Variants in SAMD12 observed in about 807,000 individuals in gnomAD.
SAMD12 encodes the protein sterile alpha motif domain-containing protein 12.
SAMD12 carries 9 observed loss-of-function variants against 15.0 expected under a neutral mutation model. The observed-to-expected ratio is 0.60, with a 90% confidence interval of 0.36 to 1.05. SAMD12 has a LOEUF of 1.05. Ranked by LOEUF, SAMD12 falls within the 50% of genes least tolerant of loss-of-function variation. The pLI is 0.01. For synonymous variants in SAMD12, 86 were observed against 90.1 expected (o/e 0.96, Z 0.25); for missense variants, 230 against 234.2 (o/e 0.98, Z 0.12).
intron 3 of SAMD12, among the ~76,000 whole-genome samples, chr8:118,425,192 C>A (rs1822191819): frequency 6.6e-6 from 1 of 152,116 alleles, no homozygotes; most frequent in African/African-American, 2.4e-5. Flanking sequence ...CCCGCCTTGG[C>A]CTCCCAAAGT....
intron 1 of SAMD12, among the ~76,000 whole-genome samples, chr8:118,588,334 A>G (rs1827502055): frequency 6.6e-6 from 1 of 152,216 alleles, no homozygotes; most frequent in Admixed American, 6.5e-5. Flanking sequence ...TGGGCAAAGG[A>G]AACTGCCCAG....
At chr8:118,448,848 C>A (rs561980307) in intron 2 of SAMD12, among the ~76,000 whole-genome samples, 1 of 152,172 alleles carries the variant, frequency 6.6e-6, no homozygotes, top group African/African-American at 2.4e-5. Flanking sequence ...CCTTTCTAAA[C>A]GTATTTCTAA....
intron 4 of SAMD12, among the ~76,000 whole-genome samples, chr8:118,347,213 GC>G (rs1455503858): frequency 6.6e-6 from 1 of 152,186 alleles, no homozygotes; most frequent in East Asian, 1.9e-4. Context: ...ACAGGCATGA[GC>G]CACTGGGCCC....
the SAMD12 span, among the ~76,000 whole-genome samples, chr8:118,184,351 C>G: frequency 1.3e-5 from 2 of 152,106 alleles, no homozygotes; most frequent in African/African-American, 4.8e-5. Flanking sequence ...TGAAACTCTC[C>G]CAGTCTCTTC....
At chr8:118,363,706 T>C (rs1251065761) in intron 4 of SAMD12, among the ~76,000 whole-genome samples, 1 of 152,210 alleles carries the variant, frequency 6.6e-6, no homozygotes, top group Non-Finnish European at 1.5e-5. Flanking sequence ...TTATAATAAA[T>C]TTCCTTCTCT....
At chr8:118,232,919 A>C (rs1047919325) in intron 4 of SAMD12, among the ~76,000 whole-genome samples, 1 of 152,138 alleles carries the variant, frequency 6.6e-6, no homozygotes, top group Non-Finnish European at 1.5e-5. Flanking sequence ...TTCCAGCTTA[A>C]ATAGACAATA....
Position 118,379,416 on chromosome 8 carries a change from C to G in SAMD12, c.*1G>C, listed in dbSNP as rs751986698. 1.9e-6 allele frequency: 3 copies of G among 1,612,522 alleles called. No individual in the cohort carries two copies. In the African/African-American group the frequency reaches 4.0e-5, roughly 22 times the overall value. On this transcript the variant is annotated 3_prime_UTR_variant, in exon 4 of 4. Coordinates refer to ENST00000314727, the MANE Select transcript of SAMD12 (RefSeq NM_207506.3). Reference sequence around the variant, plus strand: ...AAAAAAGTTTTCAAAGGGAAGTAATCTTAAATCTGTATACTATTTTCTATG... The same window carrying G: ...AAAAAAGTTTTCAAAGGGAAGTAATGTTAAATCTGTATACTATTTTCTATG...
At chr8:118,557,812 T>C (rs564178599) in intron 2 of SAMD12, among the ~76,000 whole-genome samples, 1 of 152,324 alleles carries the variant, frequency 6.6e-6, no homozygotes, top group Admixed American at 6.5e-5. Context: ...TGTTTATAAA[T>C]TTTAGCATGT....
intron 4 of SAMD12, among the ~76,000 whole-genome samples, chr8:118,323,052 C>A (rs375003520): frequency 1.1e-4 from 17 of 152,136 alleles, no homozygotes; most frequent in Admixed American, 6.5e-4. Context: ...GTTGAAGGCC[C>A]TTTAGTCAGG....
chr8:118,217,696 A>G (rs1037763611), intron 4 of SAMD12, among the ~76,000 whole-genome samples: 1 of 152,152 alleles, frequency 6.6e-6, no homozygotes, highest in Admixed American at 6.5e-5. Context: ...AAAGTTAGTG[A>G]TGCCCATCTG....
chr8:118,153,450 C>A, the SAMD12 span, among the ~76,000 whole-genome samples: 2 of 152,182 alleles, frequency 1.3e-5, no homozygotes, highest in African/African-American at 4.8e-5. Context: ...GCAAAATATA[C>A]TCAAAGCATG....
At chr8:118,304,545 G>A (rs180914975) in intron 4 of SAMD12, among the ~76,000 whole-genome samples, 3 of 152,078 alleles carry the variant, frequency 2.0e-5, no homozygotes, top group East Asian at 1.9e-4. Context: ...GGATCATGAG[G>A]TCAGGAGATC....
Position 118,551,729 on chromosome 8 carries a change from A to C in SAMD12, c.192+28986T>G, listed in dbSNP as rs1351102338. Among the ~76,000 whole-genome samples, 97 of 150,704 alleles carry C rather than the reference A, an allele frequency of 6.4e-4. 2 individuals carry two copies. Among genetic ancestry groups the C allele is most frequent in the African/African-American group, 2.2e-3 (91 of 41,174 alleles). On this transcript the variant is annotated intron_variant, in intron 2 of 3. Transcript: ENST00000314727. ...CAAAAAACCCTTCAAAAAATTAATGAATCCAGGAGCTGGTTTTTTGAAAGG... is the reference window on the plus strand; with the variant it reads ...CAAAAAACCCTTCAAAAAATTAATGCATCCAGGAGCTGGTTTTTTGAAAGG...
At chr8:118,424,384 T>C (rs988897840) in intron 3 of SAMD12, among the ~76,000 whole-genome samples, 2 of 152,130 alleles carry the variant, frequency 1.3e-5, no homozygotes, top group African/African-American at 2.4e-5. Flanking sequence ...ATTATCATAA[T>C]TTAATTTTAG....
chr8:118,238,779 C>A (rs1812493928), intron 4 of SAMD12, among the ~76,000 whole-genome samples: 1 of 152,028 alleles, frequency 6.6e-6, no homozygotes, highest in Non-Finnish European at 1.5e-5. Flanking sequence ...CCATGAAGAT[C>A]CAGACAGGTT....
rs1415191919 is a variant in SAMD12, at chr8:118,340,458, ATAT to A, written c.433+39099_433+39101del. On this transcript the variant is annotated intron_variant, in intron 4 of 4. Coordinates refer to the SAMD12 transcript ENST00000409003. ...TACTCATACATATATGTATATATGT[ATAT>A]TATTATTTTTAATATTTTAATTCCC... 2.6e-5 allele frequency among the ~76,000 whole-genome samples: 4 copies of A among 152,158 alleles called. No homozygotes were observed. In the East Asian group the frequency reaches 7.7e-4, roughly 29 times the overall value.
chr8:118,340,032 C>T (rs1817272649), intron 4 of SAMD12, among the ~76,000 whole-genome samples: 1 of 152,240 alleles, frequency 6.6e-6, no homozygotes, highest in South Asian at 2.1e-4. Context: ...GTGACTAACA[C>T]ACATTCCTTT....
intron 4 of SAMD12, among the ~76,000 whole-genome samples, chr8:118,304,909 G>C (rs1481159937): frequency 2.0e-5 from 3 of 151,540 alleles, no homozygotes; most frequent in African/African-American, 7.3e-5. Flanking sequence ...AGCACTTTGG[G>C]AGGCTGAGGC....
intron 3 of SAMD12, among the ~76,000 whole-genome samples, chr8:118,419,609 T>C (rs939267776): frequency 2.0e-5 from 3 of 152,348 alleles, no homozygotes; most frequent in African/African-American, 7.2e-5. Context: ...TCTTCATTTG[T>C]TGGGAGAGAG....
Sources: allele counts gnomAD v4.1 joint callset (sites outside exome capture counted in the v4.1 genomes callset), GRCh38; gene constraint gnomAD v4.1.1; transcripts MANE v1.5; gene names NCBI Gene and HGNC (gene_info 2026-07-23, HGNC 2026-07-21).